PLXNA4: variants seen among roughly 807,000 people sequenced by gnomAD.
PLXNA4 encodes plexin A4.
In PLXNA4, 44 loss-of-function variants were observed where a neutral mutation model predicts 191.8. The ratio of observed to expected loss-of-function variants is 0.23; its 90% CI spans 0.18 to 0.29. The LOEUF is 0.29. Among genes scored for constraint, PLXNA4 ranks in the 10% least tolerant of loss-of-function variants. The probability of loss-of-function intolerance (pLI) is 1.00; values close to 1 mark genes in which losing one functional copy is unlikely to be tolerated. For missense variants in PLXNA4, 1,800 were observed against 2,488.8 expected (o/e 0.72, Z 5.89); for synonymous variants, 1,082 against 1,009.5 (o/e 1.07, Z -1.36).
At chr7:132,598,195 G>T (rs1802752806) in intron 2 of PLXNA4, among the ~76,000 whole-genome samples, 1 of 152,124 alleles carries the variant, frequency 6.6e-6, no homozygotes, top group Non-Finnish European at 1.5e-5. Flanking sequence ...TGCAACCTCG[G>T]CTTCCCGGAT....
chr7:132,369,230 T>C (rs189092847), intron 3 of PLXNA4, among the ~76,000 whole-genome samples: 1 of 152,312 alleles, frequency 6.6e-6, no homozygotes, highest in East Asian at 1.9e-4. Context: ...CTGAGTGGCC[T>C]AAGCCCCTCC....
chr7:132,546,008 T>C (rs770558658), intron 1 of PLXNA4, among the ~76,000 whole-genome samples: 5 of 152,194 alleles, frequency 3.3e-5, no homozygotes, highest in Non-Finnish European at 7.3e-5. Context: ...ACCACAATCA[T>C]CATTAGTGAG....
chr7:132,174,749 TAA>T, intron 21 of PLXNA4, 27 bp downstream of exon 21: 3 of 1,608,368 alleles, frequency 1.9e-6, no homozygotes, highest in Non-Finnish European at 2.6e-6. Flanking sequence ...TCCCCTGCTC[TAA>T]TGCCAGGATG....
At chr7:132,570,031 TAC>T (rs1265666183) in intron 1 of PLXNA4, among the ~76,000 whole-genome samples, 1 of 152,232 alleles carries the variant, frequency 6.6e-6, no homozygotes, top group Non-Finnish European at 1.5e-5. Context: ...CCAGGTCCAC[TAC>T]ACAGTTTATA....
At chr7:132,141,940 G>A (rs1156918634) in intron 29 of PLXNA4, among the ~76,000 whole-genome samples, 1 of 152,122 alleles carries the variant, frequency 6.6e-6, no homozygotes, top group Non-Finnish European at 1.5e-5. Flanking sequence ...ATGTTGGCCA[G>A]GCTGATCTTG....
At chr7:132,318,661 C>CTTTT (rs56179808) in intron 3 of PLXNA4, among the ~76,000 whole-genome samples, 2 of 109,886 alleles carry the variant, frequency 1.8e-5, no homozygotes, top group Non-Finnish European at 3.6e-5. Flanking sequence ...ACGCACTTTG[C>CTTTT]TTTTTTTTTT....
chr7:132,590,384 T>C lies in PLXNA4; in HGVS notation c.-87+55544A>G, dbSNP rs185886298. 5.9e-5 allele frequency among the ~76,000 whole-genome samples: 9 copies of C among 152,316 alleles called. 1 individual carries two copies. The East Asian group carries it at 1.7e-3, about 29-fold the overall frequency. On this transcript the variant is annotated intron_variant, in intron 2 of 4. Transcript: ENST00000378539. ...AGATGTATATATAAAGAGGAGTTTA[T>C]TAAGGAGTATTGACTCACACGATCA...
intron 1 of PLXNA4, among the ~76,000 whole-genome samples, chr7:132,569,194 G>C (rs1158376919): frequency 6.6e-6 from 1 of 152,230 alleles, no homozygotes; most frequent in South Asian, 2.1e-4. Flanking sequence ...TTCACACCAG[G>C]CTTCCCTGGA....
chr7:132,179,219 TACACATAC>T (rs1222687758), intron 20 of PLXNA4, among the ~76,000 whole-genome samples: 1 of 100,680 alleles, frequency 9.9e-6, no homozygotes, highest in Non-Finnish European at 1.9e-5. Flanking sequence ...ATGAAACACA[TACACATAC>T]ACACACACAC....
intron 1 of PLXNA4, among the ~76,000 whole-genome samples, chr7:132,523,190 C>T (rs1300482573): frequency 6.6e-6 from 1 of 152,032 alleles, no homozygotes; most frequent in African/African-American, 2.4e-5. Context: ...AGGGAGGATA[C>T]ACAATAAACA....
intron 3 of PLXNA4, among the ~76,000 whole-genome samples, chr7:132,441,721 A>G (rs1795707420): frequency 6.6e-6 from 1 of 152,200 alleles, no homozygotes; most frequent in Admixed American, 6.5e-5. Flanking sequence ...CCTATTTTAC[A>G]TTACACATTT....
chr7:132,636,127 G>T (rs138308738), intron 2 of PLXNA4, among the ~76,000 whole-genome samples: 1,865 of 152,318 alleles, frequency 0.012, 30 homozygotes, highest in Non-Finnish European at 0.013. Flanking sequence ...GAAAATGAGT[G>T]CAAGAAACAT....
intron 3 of PLXNA4, among the ~76,000 whole-genome samples, chr7:132,371,085 A>G (rs1804418458): frequency 6.6e-6 from 1 of 151,888 alleles, no homozygotes; most frequent in Non-Finnish European, 1.5e-5. Context: ...GCACGCTTCC[A>G]GGTTAGGGCT....
chr7:132,603,883 C>G lies in PLXNA4; in HGVS notation c.-87+42045G>C, dbSNP rs139018161. Among the ~76,000 whole-genome samples the G allele has an allele frequency of 3.3e-3, 509 of 152,222 alleles. 1 individual carries two copies. Among genetic ancestry groups the G allele is most frequent in the African/African-American group, 0.012 (490 of 41,538 alleles). ...CTTGAGCAAATCACTTAATTTGGGG[C>G]GGGGTCCTTTGTTTCAAATAGATCT... On this transcript the variant is annotated intron_variant, in intron 2 of 4. Transcript: ENST00000378539.
At chr7:132,237,138 C>G (rs1798727809) in intron 5 of PLXNA4, among the ~76,000 whole-genome samples, 1 of 152,228 alleles carries the variant, frequency 6.6e-6, no homozygotes, top group Non-Finnish European at 1.5e-5. Flanking sequence ...ATCTGTGCAT[C>G]TCATTCCATC....
chr7:132,541,806 T>C (rs1456507536), intron 1 of PLXNA4, among the ~76,000 whole-genome samples: 1 of 152,230 alleles, frequency 6.6e-6, no homozygotes, highest in Non-Finnish European at 1.5e-5. Flanking sequence ...GGGCTCAGTT[T>C]CCATTGGTGC....
At chr7:132,254,207 C>A (rs1339135650) in intron 4 of PLXNA4, among the ~76,000 whole-genome samples, 1 of 152,154 alleles carries the variant, frequency 6.6e-6, no homozygotes, top group Non-Finnish European at 1.5e-5. Context: ...ATGATAGGGA[C>A]CCTCAGCTCT....
At chr7:132,365,345 G>GTT (rs1804114476) in intron 3 of PLXNA4, among the ~76,000 whole-genome samples, 1 of 122,264 alleles carries the variant, frequency 8.2e-6, no homozygotes, top group African/African-American at 4.3e-5. Flanking sequence ...GTGTGTGTGT[G>GTT]TGTGTGTGTG....
At chr7:132,559,521 G>C (rs1423035870) in intron 1 of PLXNA4, among the ~76,000 whole-genome samples, 3 of 152,238 alleles carry the variant, frequency 2.0e-5, no homozygotes, top group Non-Finnish European at 2.9e-5. Context: ...GGGCTAGTCA[G>C]AGGCCCTGCA....
Sources: gnomAD v4.1 joint callset for allele counts (sites outside exome capture counted in the v4.1 genomes callset) on GRCh38, gnomAD v4.1.1 for gene constraint, MANE v1.5 for transcripts, NCBI Gene and HGNC (gene_info 2026-07-23, HGNC 2026-07-21) for gene names.